The following ZNF521 variants were observed in gnomAD, a reference collection of about 807,000 sequenced individuals.
The protein encoded by ZNF521 is zinc finger protein 521, also known as LYST-interacting protein 3.
ZNF521 carries 14 observed loss-of-function variants against 105.5 expected under a neutral mutation model. The observed-to-expected ratio is 0.13, with a 90% CI of 0.09 to 0.21. The LOEUF is 0.21. ZNF521 is among the 10% of genes least tolerant of loss of function. The pLI is 1.00. For missense variants in ZNF521, 1,233 were observed against 1,629.7 expected (o/e 0.76, Z 4.19); for synonymous variants, 635 against 606.0 (o/e 1.05, Z -0.70).
intron 5 of ZNF521, among the ~76,000 whole-genome samples, chr18:25,156,018 C>A (rs1370913072): frequency 4.6e-5 from 7 of 152,118 alleles, no homozygotes; most frequent in Admixed American, 4.6e-4. Flanking sequence ...AACTAGTCAA[C>A]AGAGCTAATG....
At chr18:25,176,955 A>G (rs1485736857) in intron 5 of ZNF521, among the ~76,000 whole-genome samples, 1 of 152,212 alleles carries the variant, frequency 6.6e-6, no homozygotes, top group Non-Finnish European at 1.5e-5. Context: ...ACTCGCTGTG[A>G]CCTGAGCACT....
intron 7 of ZNF521, among the ~76,000 whole-genome samples, chr18:25,065,024 G>C (rs1309668383): frequency 6.6e-6 from 1 of 152,126 alleles, no homozygotes; most frequent in Non-Finnish European, 1.5e-5. Flanking sequence ...AAGTACTAAT[G>C]AGACCGAAAA....
At chr18:25,313,709 T>G (rs1912450039) in intron 3 of ZNF521, among the ~76,000 whole-genome samples, 1 of 152,226 alleles carries the variant, frequency 6.6e-6, no homozygotes, top group Non-Finnish European at 1.5e-5. Flanking sequence ...TTTACCTAAT[T>G]TTTTAATTTC....
intron 3 of ZNF521, among the ~76,000 whole-genome samples, chr18:25,304,758 C>T (rs1911874905): frequency 6.6e-6 from 1 of 152,220 alleles, no homozygotes; most frequent in South Asian, 2.1e-4. Flanking sequence ...ACATTTGCCA[C>T]TCCCTTCTTT....
intron 5 of ZNF521, among the ~76,000 whole-genome samples, chr18:25,157,626 G>A (rs1379400430): frequency 1.3e-5 from 2 of 152,208 alleles, no homozygotes; most frequent in Non-Finnish European, 1.5e-5. Context: ...AATCATTAAG[G>A]CATATAAAGA....
At chr18:25,179,116 C>CTTTTTTTTTTTTTTTTCT (rs2035584003) in intron 5 of ZNF521, among the ~76,000 whole-genome samples, 1 of 52,440 alleles carries the variant, frequency 1.9e-5, no homozygotes, top group Non-Finnish European at 3.5e-5. Flanking sequence ...TTCTTTATTC[C>CTTTTTTTTTTTTTTTTCT]TTTTTTTTTT....
At chr18:25,288,200 TCCC>T (rs1337144768) in intron 3 of ZNF521, among the ~76,000 whole-genome samples, 2 of 152,170 alleles carry the variant, frequency 1.3e-5, no homozygotes, top group African/African-American at 4.8e-5. Context: ...TTTGGATTTT[TCCC>T]CCAACTGTTC....
intron 2 of ZNF521, among the ~76,000 whole-genome samples, chr18:25,340,308 T>A (rs1914127398): frequency 6.6e-6 from 1 of 152,046 alleles, no homozygotes; most frequent in South Asian, 2.1e-4. Context: ...GGAGCCAAGA[T>A]AGCACCACTA....
intron 3 of ZNF521, among the ~76,000 whole-genome samples, chr18:25,250,904 GA>G (rs1435087734): frequency 6.6e-6 from 1 of 152,084 alleles, no homozygotes; most frequent in Non-Finnish European, 1.5e-5. Context: ...GAAAAGTTAA[GA>G]AAAATATATT....
At chr18:25,147,641 C>T (rs2034969036) in intron 5 of ZNF521, among the ~76,000 whole-genome samples, 1 of 152,064 alleles carries the variant, frequency 6.6e-6, no homozygotes, top group African/African-American at 2.4e-5. Flanking sequence ...TTGAGCACTC[C>T]AGTCCTGAGA....
At chr18:25,317,994 G>A (rs1688007291) in intron 3 of ZNF521, among the ~76,000 whole-genome samples, 1 of 151,890 alleles carries the variant, frequency 6.6e-6, no homozygotes, top group African/African-American at 2.4e-5. Flanking sequence ...TAAAACATAT[G>A]TCCACAAAAA....
intron 7 of ZNF521, among the ~76,000 whole-genome samples, chr18:25,084,952 C>A (rs2033587865): frequency 6.6e-6 from 1 of 152,126 alleles, no homozygotes; most frequent in South Asian, 2.1e-4. Flanking sequence ...TTGGACCATA[C>A]CATCCTCTCT....
chr18:25,115,735 A>C (rs939989408), intron 5 of ZNF521, among the ~76,000 whole-genome samples: 3 of 152,216 alleles, frequency 2.0e-5, no homozygotes, highest in African/African-American at 7.2e-5. Context: ...TTACTAACAA[A>C]AAAGTCATTC....
chr18:25,233,321 T>C (rs1376844409), intron 3 of ZNF521, among the ~76,000 whole-genome samples: 3 of 152,148 alleles, frequency 2.0e-5, no homozygotes, highest in Non-Finnish European at 4.4e-5. Flanking sequence ...GTAACTTTAA[T>C]AGCTATCATG....
intron 3 of ZNF521, among the ~76,000 whole-genome samples, chr18:25,253,818 C>G (rs919550410): frequency 1.4e-4 from 21 of 152,102 alleles, no homozygotes; most frequent in African/African-American, 5.1e-4. Flanking sequence ...CTGTACAACA[C>G]AGTATTGGTT....
chr18:25,346,097 G>A lies in ZNF521; in HGVS notation c.40+4810C>T, dbSNP rs533257433. Among the ~76,000 whole-genome samples the A allele has an allele frequency of 3.3e-5, 5 of 152,122 alleles. No homozygotes were observed. In the South Asian group the frequency reaches 1.0e-3, roughly 32 times the overall value. ...ACAACCTATCTAAAAATAATTTTGA[G>A]GGAAAGCCATATTGCAATTCTTAAA... On this transcript the variant is annotated intron_variant, in intron 2 of 7. Transcript: ENST00000361524.
At chr18:25,285,243 G>C (rs548081759) in intron 3 of ZNF521, among the ~76,000 whole-genome samples, 2 of 152,242 alleles carry the variant, frequency 1.3e-5, no homozygotes, top group Admixed American at 6.5e-5. Context: ...TTGGGGACAC[G>C]CAACAATATA....
intron 4 of ZNF521, among the ~76,000 whole-genome samples, chr18:25,206,978 C>A (rs1186281996): frequency 6.6e-6 from 1 of 152,136 alleles, no homozygotes; most frequent in African/African-American, 2.4e-5. Context: ...TACAAATGTG[C>A]AAGTGGTAGG....
chr18:25,350,756 A>C, intron 2 of ZNF521, 151 bp downstream of exon 2: 1 of 666,202 alleles, frequency 1.5e-6, no homozygotes, highest in Non-Finnish European at 2.4e-6. Flanking sequence ...CACTCCACCT[A>C]GGGGCTCAGC....
Sources: allele counts gnomAD v4.1 joint callset (sites outside exome capture counted in the v4.1 genomes callset), GRCh38; gene constraint gnomAD v4.1.1; transcripts MANE v1.5; gene names NCBI Gene and HGNC (gene_info 2026-07-23, HGNC 2026-07-21).